JARID2: variants seen among roughly 807,000 people sequenced by gnomAD.
JARID2 encodes protein Jumonji.
Under a neutral mutation model 125.6 loss-of-function variants are expected in JARID2, and 21 were observed. The observed-to-expected ratio is 0.17, with a 90% CI of 0.12 to 0.24. The LOEUF is 0.24. Among genes scored for constraint, JARID2 ranks in the 10% least tolerant of loss-of-function variants. The pLI is 1.00. For missense variants in JARID2, 1,303 were observed against 1,639.6 expected (o/e 0.79, Z 3.55); for synonymous variants, 736 against 661.6 (o/e 1.11, Z -1.73).
intron 1 of JARID2, among the ~76,000 whole-genome samples, chr6:15,293,785 T>C (rs1761310910): frequency 6.6e-6 from 1 of 152,224 alleles, no homozygotes; most frequent in Non-Finnish European, 1.5e-5. Flanking sequence ...TGTGCTCTTT[T>C]GTTGTTCTGC....
At chr6:15,291,386 A>G (rs1056364926) in intron 1 of JARID2, among the ~76,000 whole-genome samples, 2 of 152,224 alleles carry the variant, frequency 1.3e-5, no homozygotes, top group Admixed American at 1.3e-4. Context: ...CTTTTCACAC[A>G]TGGTATAGCT....
At chr6:15,384,675 G>T (rs1352054572) in intron 2 of JARID2, among the ~76,000 whole-genome samples, 1 of 152,074 alleles carries the variant, frequency 6.6e-6, no homozygotes, top group Non-Finnish European at 1.5e-5. Flanking sequence ...ACTGCAGCCT[G>T]GGCTCCTTCC....
chr6:15,480,207 G>C (rs929792720), intron 5 of JARID2, among the ~76,000 whole-genome samples: 7 of 152,150 alleles, frequency 4.6e-5, no homozygotes, highest in Non-Finnish European at 8.8e-5. Context: ...CAGGAAGAAG[G>C]TATTTTAATT....
At chr6:15,496,059 G>T (rs942084597) in intron 6 of JARID2, 73 bp from the exon 7 acceptor site, 12 of 1,288,660 alleles carry the variant, frequency 9.3e-6, no homozygotes, top group East Asian at 4.6e-5. Context: ...CCTTTCTCAC[G>T]GGTGGGCCGG....
At chr6:15,371,065 A>G (rs1219786080) in intron 1 of JARID2, among the ~76,000 whole-genome samples, 1 of 152,122 alleles carries the variant, frequency 6.6e-6, no homozygotes, top group Non-Finnish European at 1.5e-5. Context: ...AGCATTTGAA[A>G]CCCCATAATC....
At chr6:15,411,378 CAA>C (rs1445387484) in intron 3 of JARID2, among the ~76,000 whole-genome samples, 2 of 152,200 alleles carry the variant, frequency 1.3e-5, no homozygotes, top group African/African-American at 2.4e-5. Flanking sequence ...ATGCATAGCT[CAA>C]AGTCTTTATT....
At position 15,247,389 on chromosome 6, in the gene JARID2, G is replaced by T. The variant is rs896730808; in HGVS notation, c.45+805G>T. The T allele has an allele frequency of 7.2e-6, 7 of 967,098 alleles. No individual in the cohort carries two copies. In the African/African-American group the frequency reaches 1.2e-4, roughly 17 times the overall value. The allele number at this position is 967,098 out of a possible 1,614,324, so 59.9% of individuals were successfully genotyped here. A position where few individuals can be genotyped will look rare whatever the true frequency, so the allele number is the denominator to read the frequency against. ...TGCATAGTACAGCTACGTTTTGATT[G>T]GCATGGGGAGTGTTTTTGTTTTGTG... On this transcript the variant is annotated intron_variant, in intron 1 of 17. Coordinates refer to ENST00000341776, the MANE Select transcript of JARID2 (RefSeq NM_004973.4).
chr6:15,359,268 C>T (rs1036737483), intron 1 of JARID2, among the ~76,000 whole-genome samples: 12 of 152,178 alleles, frequency 7.9e-5, no homozygotes, highest in African/African-American at 2.9e-4. Context: ...CCCTGCAAGT[C>T]GTAGGGTTTA....
intron 1 of JARID2, among the ~76,000 whole-genome samples, chr6:15,336,258 C>G (rs1373791603): frequency 6.6e-6 from 1 of 152,234 alleles, no homozygotes; most frequent in Non-Finnish European, 1.5e-5. Flanking sequence ...AAAAGTATAT[C>G]AAGCCTAACT....
chr6:15,511,425 C>A, intron 13 of JARID2, 24 bp downstream of exon 13: 4 of 1,507,056 alleles, frequency 2.7e-6, no homozygotes, highest in Non-Finnish European at 3.7e-6. Flanking sequence ...GCCACCGCCT[C>A]CAGCAGGAGC....
rs141825996 is a variant in JARID2 at position 15,399,818 on chromosome 6, A to G, written c.182-10406A>G. Among the ~76,000 whole-genome samples, 266 of 152,350 alleles carry G rather than the reference A, an allele frequency of 1.7e-3. 2 individuals carry two copies. Among genetic ancestry groups the G allele is most frequent in the Admixed American group, 0.013 (196 of 15,304 alleles). ...CATTTCCTCTGGATGCATCTGAGGA[A>G]AACTTCCAGTGCCATGTGGACTTGG... is the stretch of plus-strand genomic sequence containing the variant. On this transcript the variant is annotated intron_variant, in intron 2 of 17. Coordinates refer to ENST00000341776, the MANE Select transcript of JARID2 (RefSeq NM_004973.4).
chr6:15,506,485 T>G (rs1374563326), intron 9 of JARID2, among the ~76,000 whole-genome samples: 1 of 152,190 alleles, frequency 6.6e-6, no homozygotes, highest in East Asian at 1.9e-4. Context: ...GGCTTATGAG[T>G]TAGGCTTCTT....
intron 1 of JARID2, among the ~76,000 whole-genome samples, chr6:15,370,236 A>T (rs1764114693): frequency 6.6e-6 from 1 of 152,114 alleles, no homozygotes; most frequent in African/African-American, 2.4e-5. Context: ...CTAATTAAAT[A>T]AGACAGCTAT....
At chr6:15,438,539 G>C (rs761865049) in intron 3 of JARID2, among the ~76,000 whole-genome samples, 1 of 152,208 alleles carries the variant, frequency 6.6e-6, no homozygotes, top group Non-Finnish European at 1.5e-5. Context: ...TGGACAAAAT[G>C]TGAGTATTTT....
chr6:15,328,568 G>T (rs545563683), intron 1 of JARID2, among the ~76,000 whole-genome samples: 23 of 152,262 alleles, frequency 1.5e-4, no homozygotes, highest in African/African-American at 5.3e-4. Context: ...GCTTAATCCT[G>T]TTGTTCCAGA....
chr6:15,330,794 A>G (rs1365408821), intron 1 of JARID2, among the ~76,000 whole-genome samples: 1 of 152,250 alleles, frequency 6.6e-6, no homozygotes, highest in Non-Finnish European at 1.5e-5. Flanking sequence ...TGGGAAAGTC[A>G]CATCAAAAGC....
At chr6:15,302,304 G>A (rs1242067043) in intron 1 of JARID2, among the ~76,000 whole-genome samples, 4 of 152,002 alleles carry the variant, frequency 2.6e-5, no homozygotes, top group African/African-American at 7.3e-5. Context: ...TAATCCCAGC[G>A]ACTCAGGAGG....
At chr6:15,405,896 C>T (rs1765629375) in intron 2 of JARID2, among the ~76,000 whole-genome samples, 1 of 152,166 alleles carries the variant, frequency 6.6e-6, no homozygotes, top group Admixed American at 6.5e-5. Flanking sequence ...CTGGATTGGG[C>T]AGGCTGTATG....
At chr6:15,296,145 C>CCCTTTA (rs1430953912) in intron 1 of JARID2, among the ~76,000 whole-genome samples, 1 of 152,140 alleles carries the variant, frequency 6.6e-6, no homozygotes, top group African/African-American at 2.4e-5. Flanking sequence ...TAAAAATAGT[C>CCCTTTA]AAAATCAAAC....
Sources: gnomAD v4.1 joint callset for allele counts (sites outside exome capture counted in the v4.1 genomes callset) on GRCh38, gnomAD v4.1.1 for gene constraint, MANE v1.5 for transcripts, NCBI Gene and HGNC (gene_info 2026-07-23, HGNC 2026-07-21) for gene names.